The following LARP1 variants were observed in gnomAD, a reference collection of about 807,000 sequenced individuals.
The protein encoded by LARP1 is La ribonucleoprotein 1, translational regulator, also known as la-related protein 1.
A neutral mutation model predicts 122.7 loss-of-function variants in LARP1; 36 were observed. The observed-to-expected ratio is 0.29, with a 90% confidence interval of 0.22 to 0.39. The LOEUF (loss-of-function observed/expected upper bound fraction) is 0.39, where lower values mean the gene tolerates loss of function less well. Ranked by LOEUF, LARP1 falls within the 10% of genes least tolerant of loss-of-function variation. LARP1 has a pLI of 1.00. For synonymous variants in LARP1, 539 were observed against 528.7 expected, an observed-to-expected ratio of 1.02 and a Z score of -0.27; for missense variants, 1,040 against 1,403.6, an observed-to-expected ratio of 0.74 and a Z score of 4.14.
At chr5:154,736,530 G>A (rs868029260) in intron 1 of LARP1, among the ~76,000 whole-genome samples, 5 of 133,016 alleles carry the variant, frequency 3.8e-5, no homozygotes, top group Non-Finnish European at 8.0e-5. Flanking sequence ...ACCCTGCCTG[G>A]CCTATTTTTA....
intron 1 of LARP1, among the ~76,000 whole-genome samples, chr5:154,765,624 G>A (rs561986904): frequency 6.6e-6 from 1 of 152,168 alleles, no homozygotes; most frequent in South Asian, 2.1e-4. Flanking sequence ...AAACTCCTAG[G>A]CTCAAGCAGT....
intron 1 of LARP1, among the ~76,000 whole-genome samples, chr5:154,766,079 G>T (rs1754927691): frequency 6.6e-6 from 1 of 152,214 alleles, no homozygotes. Flanking sequence ...CTGAGAAGAA[G>T]CCTGGAAAGA....
chr5:154,785,489 T>A (rs1756808693), intron 1 of LARP1, among the ~76,000 whole-genome samples: 1 of 152,216 alleles, frequency 6.6e-6, no homozygotes, highest in Non-Finnish European at 1.5e-5. Flanking sequence ...GTGTGCTAGG[T>A]ACTCTTAGTA....
At chr5:154,756,578 C>A in intron 1 of LARP1, 1 of 843,626 alleles carries the variant, frequency 1.2e-6, no homozygotes, top group Non-Finnish European at 1.4e-6. Context: ...TCCCACCCCG[C>A]CCGGCGCTCC....
chr5:154,761,744 G>T (rs1754465986), intron 1 of LARP1, among the ~76,000 whole-genome samples: 12 of 152,136 alleles, frequency 7.9e-5, no homozygotes. Flanking sequence ...GTGAAAACAT[G>T]GGAAACAGCA....
intron 1 of LARP1, among the ~76,000 whole-genome samples, chr5:154,759,871 G>A (rs538721418): frequency 2.6e-5 from 4 of 152,286 alleles, no homozygotes; most frequent in South Asian, 4.1e-4. Flanking sequence ...ATGGCCATCC[G>A]TAGGCTAATA....
intron 1 of LARP1, among the ~76,000 whole-genome samples, chr5:154,781,157 C>A (rs926308486): frequency 6.6e-6 from 1 of 152,184 alleles, no homozygotes; most frequent in Non-Finnish European, 1.5e-5. Context: ...CAGCCTCCCA[C>A]ATCAGGGTAA....
At chr5:154,752,025 A>C (rs59749917), upstream of LARP1, among the ~76,000 whole-genome samples, 1 of 151,946 alleles carries the variant, frequency 6.6e-6, no homozygotes, top group Non-Finnish European at 1.5e-5. Context: ...GTCCAGGCTG[A>C]TCTCTAACTC....
At chr5:154,778,766 T>A (rs765106369) in intron 1 of LARP1, among the ~76,000 whole-genome samples, 3 of 152,192 alleles carry the variant, frequency 2.0e-5, no homozygotes, top group Non-Finnish European at 4.4e-5. Context: ...AGCCCAGGGC[T>A]CTGGTCACTC....
intron 1 of LARP1, among the ~76,000 whole-genome samples, chr5:154,693,479 A>T (rs933102465): frequency 1.8e-4 from 27 of 152,124 alleles, no homozygotes; most frequent in Admixed American, 3.3e-4. Flanking sequence ...GTTTTAAGAG[A>T]TGAATACATA....
intron 1 of LARP1, among the ~76,000 whole-genome samples, chr5:154,785,056 C>A (rs1282292368): frequency 2.6e-5 from 4 of 152,232 alleles, no homozygotes; most frequent in African/African-American, 9.6e-5. Flanking sequence ...CCTAACAAAG[C>A]AGGGCTTTAT....
chr5:154,689,615 G>A (rs111866938), intron 1 of LARP1, among the ~76,000 whole-genome samples: 3,929 of 131,896 alleles, frequency 0.03, 195 homozygotes, highest in East Asian at 0.28. Context: ...CCATGACTCC[G>A]TTTAAAAAAA....
intron 1 of LARP1, chr5:154,718,666 G>C (rs903859840): frequency 2.0e-5 from 3 of 152,298 alleles, no homozygotes; most frequent in Non-Finnish European, 4.4e-5. Flanking sequence ...GCTGGGACCA[G>C]AGGCATAGGC....
chr5:154,775,886 A>T (rs1453914419), intron 1 of LARP1, among the ~76,000 whole-genome samples: 1 of 152,244 alleles, frequency 6.6e-6, no homozygotes, highest in Non-Finnish European at 1.5e-5. Context: ...GTCTTCTAAA[A>T]CTGGGATAAT....
At chr5:154,755,110 C>T (rs1753725666), upstream of LARP1, among the ~76,000 whole-genome samples, 1 of 151,884 alleles carries the variant, frequency 6.6e-6, no homozygotes, top group Non-Finnish European at 1.5e-5. Flanking sequence ...CACGTGCTCG[C>T]CCCCGTCCGG....
chr5:154,799,158 G>A (rs764542222), intron 8 of LARP1, among the ~76,000 whole-genome samples: 15 of 152,312 alleles, frequency 9.8e-5, no homozygotes, highest in African/African-American at 2.6e-4. Flanking sequence ...CACCAGGCCC[G>A]ACCTGTAAAG....
chr5:154,782,715 A>G (rs997978370), intron 1 of LARP1, among the ~76,000 whole-genome samples: 1 of 152,162 alleles, frequency 6.6e-6, no homozygotes, highest in Non-Finnish European at 1.5e-5. Context: ...CCTCTCCCTA[A>G]GAATGCCCTT....
chr5:154,706,334 T>TAATAAA (rs1754948994), intron 1 of LARP1, among the ~76,000 whole-genome samples: 1 of 134,416 alleles, frequency 7.4e-6, no homozygotes, highest in African/African-American at 2.7e-5. Context: ...ATAATAATAA[T>TAATAAA]AAAATGTGGT....
rs1758451691 is a variant in LARP1, at chr5:154,802,783, G to A, written c.2109+384G>A. On this transcript the variant is annotated intron_variant, in intron 11 of 18. Coordinates refer to ENST00000518297, the MANE Select transcript of LARP1 (RefSeq NM_033551.3). This position sits in a 1 kb window ranked among gnomAD's most constrained non-coding sequence, Gnocchi z 5.1. ...GCTTGTGTTGAGTATGGAAAATGGA[G>A]AAAAGATAAGTCTTTTGAAAAATTG... Among the ~76,000 whole-genome samples, 1 of 152,220 alleles carries A rather than the reference G, an allele frequency of 6.6e-6. No individual in the cohort carries two copies. The highest frequency in any genetic ancestry group is 1.5e-5 in the Non-Finnish European group (1 of 68,032).
Sources: allele counts gnomAD v4.1 joint callset (sites outside exome capture counted in the v4.1 genomes callset), GRCh38; gene constraint gnomAD v4.1.1; non-coding constraint Gnocchi (gnomAD v3.1); transcripts MANE v1.5; gene names NCBI Gene and HGNC (gene_info 2026-07-23, HGNC 2026-07-21).